C1QTNF3: variants seen among roughly 807,000 people sequenced by gnomAD.
C1QTNF3 encodes the protein complement C1q tumor necrosis factor-related protein 3.
In C1QTNF3, 26 loss-of-function variants were observed where a neutral mutation model predicts 32.6. The ratio of observed to expected loss-of-function variants is 0.80; its 90% CI spans 0.58 to 1.11. C1QTNF3 has a LOEUF of 1.11. C1QTNF3 is among the 50% of genes least tolerant of loss of function. C1QTNF3 has a pLI of 0.00. For synonymous variants in C1QTNF3, 155 were observed against 146.0 expected (o/e 1.06, Z -0.44); for missense variants, 362 against 398.2 (o/e 0.91, Z 0.77).
At chr5:34,043,319 T>A (rs1427261581), upstream of C1QTNF3, 1 of 592,428 alleles carries the variant, frequency 1.7e-6, no homozygotes, top group Non-Finnish European at 3.0e-6. Context: ...ACAGCCCCCA[T>A]TCATCATTTT....
intron 1 of C1QTNF3, among the ~76,000 whole-genome samples, chr5:34,040,522 A>G (rs969022001): frequency 6.6e-6 from 1 of 152,098 alleles, no homozygotes; most frequent in African/African-American, 2.4e-5. Flanking sequence ...ATACCAGGAA[A>G]AAAGAGCCCA....
the C1QTNF3 span, among the ~76,000 whole-genome samples, chr5:34,207,790 GTT>G: frequency 2.8e-5 from 4 of 142,320 alleles, no homozygotes; most frequent in Non-Finnish European, 3.1e-5. Context: ...GCTTGAGAAA[GTT>G]TTTTTTTTTT....
At chr5:34,028,251 C>G (rs900361519) in intron 4 of C1QTNF3, among the ~76,000 whole-genome samples, 1 of 152,212 alleles carries the variant, frequency 6.6e-6, no homozygotes, top group Admixed American at 6.5e-5. Context: ...GGATTACAGG[C>G]ATGAGCCACC....
chr5:34,023,547 CCT>C (rs751223017), intron 5 of C1QTNF3, among the ~76,000 whole-genome samples: 4 of 152,136 alleles, frequency 2.6e-5, no homozygotes, highest in Non-Finnish European at 5.9e-5. Context: ...CGGCTCTCTG[CCT>C]CTTTGCCACA....
chr5:34,230,650 G>C, the C1QTNF3 span, among the ~76,000 whole-genome samples: 1 of 151,952 alleles, frequency 6.6e-6, no homozygotes, highest in African/African-American at 2.4e-5. Flanking sequence ...ACTAAATCTA[G>C]TTTGTATTTT....
chr5:34,148,334 C>G, the C1QTNF3 span, among the ~76,000 whole-genome samples: 4 of 91,202 alleles, frequency 4.4e-5, no homozygotes, highest in South Asian at 5.0e-4. Context: ...CCAGGAAGCT[C>G]GAACTGGGTG....
chr5:34,058,379 G>A, the C1QTNF3 span, among the ~76,000 whole-genome samples: 3 of 152,126 alleles, frequency 2.0e-5, no homozygotes, highest in Non-Finnish European at 4.4e-5. Context: ...AAGAGAAAGG[G>A]AAGAGGAGCA....
the C1QTNF3 span, chr5:34,168,670 G>T: frequency 6.6e-6 from 1 of 151,958 alleles, no homozygotes; most frequent in African/African-American, 2.4e-5. Context: ...TTGGACTATA[G>T]GTAGTGATGG....
At chr5:34,235,834 A>G in the C1QTNF3 span, among the ~76,000 whole-genome samples, 3 of 152,268 alleles carry the variant, frequency 2.0e-5, no homozygotes, top group African/African-American at 4.8e-5. Context: ...GGTGATTTCT[A>G]TATTACTTGG....
the C1QTNF3 span, among the ~76,000 whole-genome samples, chr5:34,074,439 G>A: frequency 3.3e-5 from 5 of 151,424 alleles, no homozygotes; most frequent in Admixed American, 6.6e-5. Flanking sequence ...TCTCTACATC[G>A]GCTAATATAA....
the C1QTNF3 span, among the ~76,000 whole-genome samples, chr5:34,224,382 C>T: frequency 3.0e-4 from 46 of 152,256 alleles, no homozygotes; most frequent in Middle Eastern, 3.4e-3. Context: ...GGAGGCATCA[C>T]GCTACCTGAC....
the C1QTNF3 span, among the ~76,000 whole-genome samples, chr5:34,069,808 G>A: frequency 6.6e-6 from 1 of 152,056 alleles, no homozygotes. Flanking sequence ...ATCCACCATT[G>A]CACTGCTGTT....
chr5:34,161,320 A>G, the C1QTNF3 span, among the ~76,000 whole-genome samples: 1 of 152,192 alleles, frequency 6.6e-6, no homozygotes, highest in Non-Finnish European at 1.5e-5. Context: ...TTAAAAAAAC[A>G]TAAAAATAAA....
At chr5:34,211,280 T>G in the C1QTNF3 span, among the ~76,000 whole-genome samples, 1 of 152,042 alleles carries the variant, frequency 6.6e-6, no homozygotes, top group African/African-American at 2.4e-5. Context: ...CACTCACATT[T>G]TACATATCCA....
At chr5:34,077,660 G>A in the C1QTNF3 span, among the ~76,000 whole-genome samples, 1 of 151,260 alleles carries the variant, frequency 6.6e-6, no homozygotes, top group Non-Finnish European at 1.5e-5. Flanking sequence ...ATGACTAATA[G>A]TAAGAGATAC....
chr5:34,022,831 T>TTTTG (rs372948672), intron 5 of C1QTNF3, among the ~76,000 whole-genome samples: 8 of 152,104 alleles, frequency 5.3e-5, no homozygotes, highest in Non-Finnish European at 7.4e-5. Context: ...AAGTCAGTTT[T>TTTTG]TTTGTTTGTT....
chr5:34,173,653 CAT>C, the C1QTNF3 span, among the ~76,000 whole-genome samples: 316 of 100,098 alleles, frequency 3.2e-3, 1 homozygote, highest in South Asian at 0.013. Flanking sequence ...ATTCAAAAGA[CAT>C]ATACTTCTAT....
At chr5:34,181,440 T>C in the C1QTNF3 span, among the ~76,000 whole-genome samples, 3 of 152,368 alleles carry the variant, frequency 2.0e-5, no homozygotes, top group East Asian at 5.8e-4. Context: ...AGCACACCCC[T>C]ATTCCCCCGA....
the C1QTNF3 span, among the ~76,000 whole-genome samples, chr5:34,210,351 TAGA>T: frequency 1.3e-5 from 2 of 152,064 alleles, no homozygotes; most frequent in Non-Finnish European, 2.9e-5. Flanking sequence ...CTACTCTCTT[TAGA>T]AGGAGTACGG....
Sources: gnomAD v4.1 joint callset for allele counts (sites outside exome capture counted in the v4.1 genomes callset) on GRCh38, gnomAD v4.1.1 for gene constraint, MANE v1.5 for transcripts, NCBI Gene and HGNC (gene_info 2026-07-23, HGNC 2026-07-21) for gene names.